Variants in PICALM observed in about 807,000 individuals in gnomAD.
PICALM encodes the protein phosphatidylinositol-binding clathrin assembly protein.
PICALM carries 40 observed loss-of-function variants against 80.5 expected under a neutral mutation model. The observed-to-expected ratio is 0.50, with a 90% confidence interval of 0.39 to 0.65. PICALM has a LOEUF of 0.65. Among genes scored for constraint, PICALM ranks in the 30% least tolerant of loss-of-function variants. The pLI is 0.00. For synonymous variants in PICALM, 288 were observed against 260.3 expected, an observed-to-expected ratio of 1.11 and a Z score of -1.02; for missense variants, 676 against 778.9, an observed-to-expected ratio of 0.87 and a Z score of 1.57.
chr11:85,976,886 G>A, intron 17 of PICALM: 1 of 466,096 alleles, frequency 2.1e-6, no homozygotes, highest in South Asian at 3.0e-5. Flanking sequence ...CTTATTAGAA[G>A]GATAACTATA....
At chr11:86,007,388 G>T in intron 8 of PICALM, 154 bp downstream of exon 8, 1 of 526,636 alleles carries the variant, frequency 1.9e-6, no homozygotes, top group South Asian at 2.3e-5. Flanking sequence ...TGGTCATAGT[G>T]TTAGAACAAT....
At position 85,990,319 on chromosome 11, in the gene PICALM, C is replaced by T; in HGVS notation, c.1339G>A (p.Val447Ile). The change falls in exon 13 of 20, where the codon GTT becomes ATT. Residue 447 changes from valine to isoleucine, a missense_variant. Around this residue, in one of 2 missense-constraint regions of PICALM, gnomAD observed 391 missense variants for 383.6 expected, o/e 1.02. Transcript: ENST00000393346. ...ACATCTGAAGAAATGGAAAGGTGAACATCACCACTACTTTTTGTGAGGAAA... is the reference window on the plus strand; with the variant it reads ...ACATCTGAAGAAATGGAAAGGTGAATATCACCACTACTTTTTGTGAGGAAA... ...NPFLTKSSGD[V>I]HLSISSDVST... 1 of 1,603,762 alleles carries T rather than the reference C, an allele frequency of 6.2e-7. No homozygotes were observed. The highest frequency in any genetic ancestry group is 8.5e-7 in the Non-Finnish European group (1 of 1,171,024).
At chr11:86,030,447 A>G (rs139787823) in intron 2 of PICALM, among the ~76,000 whole-genome samples, 6 of 152,356 alleles carry the variant, frequency 3.9e-5, no homozygotes, top group African/African-American at 7.2e-5. Context: ...GTTCTTTCTC[A>G]TCTCTAGAAG....
chr11:85,963,403 C>G (rs1464306435), intron 19 of PICALM, among the ~76,000 whole-genome samples: 1 of 152,152 alleles, frequency 6.6e-6, no homozygotes, highest in African/African-American at 2.4e-5. Flanking sequence ...TACCTATTTA[C>G]TTCAAATAAC....
intron 18 of PICALM, 30 bp from the exon 19 acceptor site, chr11:85,974,842 T>G: frequency 7.2e-7 from 1 of 1,381,162 alleles, no homozygotes; most frequent in Non-Finnish European, 1.0e-6. Flanking sequence ...CAAAAGATAC[T>G]GACTCCTATC....
At chr11:86,067,087 C>A (rs34117690) in intron 1 of PICALM, among the ~76,000 whole-genome samples, 161 of 152,292 alleles carry the variant, frequency 1.1e-3, no homozygotes, top group Admixed American at 2.2e-3. Flanking sequence ...GAGGAACAAT[C>A]ACAAAGAATA....
chr11:85,996,885 G>C lies in PICALM; in HGVS notation c.1199C>G (p.Thr400Ser), dbSNP rs529120093. The change falls in exon 12 of 20, where the codon ACT (threonine) becomes AGT (serine). Residue 400 changes from threonine (T) to serine (S), a missense_variant. By Grantham distance (58) the Thr-to-Ser change is moderately conservative. Around this residue, in one of 2 missense-constraint regions of PICALM, gnomAD observed 391 missense variants for 383.6 expected, o/e 1.02. Transcript: ENST00000393346. ...PNDLLDLQQP[T>S]FHPSVHPMST... is the part of the protein sequence containing the mutation. The stretch of plus-strand genomic sequence containing the variant: ...CATAGGATGTACAGATGGGTGAAAA[G>C]TTGGCTGCTGCAAATCAAGCAGATC... 2.5e-6 allele frequency: 4 copies of C among 1,613,166 alleles called. No homozygotes were observed. The highest frequency in any genetic ancestry group is 1.3e-5 in the African/African-American group (1 of 74,988).
chr11:86,064,878 A>T (rs1384503860), intron 1 of PICALM, among the ~76,000 whole-genome samples: 1 of 152,016 alleles, frequency 6.6e-6, no homozygotes, highest in Non-Finnish European at 1.5e-5. Flanking sequence ...GTTCAAGACC[A>T]GCCTGGGCCA....
chr11:85,990,462 T>C, intron 12 of PICALM, 63 bp from the exon 13 acceptor site: 9 of 1,044,558 alleles, frequency 8.6e-6, no homozygotes, highest in Non-Finnish European at 1.2e-5. Context: ...AGTATTGTAA[T>C]TAGTCAAAAG....
At position 86,028,295 on chromosome 11, in the gene PICALM, T is replaced by C. The variant is rs180754332; in HGVS notation, c.274-1928A>G. 6.6e-5 allele frequency among the ~76,000 whole-genome samples: 10 copies of C among 152,338 alleles called. No homozygotes were observed. In the East Asian group the frequency reaches 1.9e-3, roughly 29 times the overall value. On this transcript the variant is annotated intron_variant, in intron 2 of 19. Coordinates refer to ENST00000393346, the MANE Select transcript of PICALM (RefSeq NM_007166.4). The stretch of plus-strand genomic sequence containing the variant: ...ATAAGCGGTAACCTGAAATGGATTA[T>C]CCTAAACCTTCATTTAAAGAATGGC...
chr11:86,055,997 A>T (rs1255956779), intron 1 of PICALM, among the ~76,000 whole-genome samples: 5 of 151,724 alleles, frequency 3.3e-5, no homozygotes, highest in Admixed American at 1.3e-4. Flanking sequence ...CTTAGCCAGC[A>T]TGGTGGCACA....
intron 12 of PICALM, 102 bp downstream of exon 12, chr11:85,996,724 T>C (rs2094974774): frequency 1.4e-6 from 1 of 702,176 alleles, no homozygotes; most frequent in East Asian, 2.7e-5. Context: ...CTTATCAAGT[T>C]CTCATGTATC....
rs561964889 is a variant in PICALM at position 86,006,914 on chromosome 11, T to A, written c.807+628A>T. Reference sequence around the variant, plus strand: ...TTGAGTGTGTTTAATGCTCTAATTTTTTTTTTTGGCATTAACTTATTTAAT... The same window carrying A: ...TTGAGTGTGTTTAATGCTCTAATTTATTTTTTTGGCATTAACTTATTTAAT... On this transcript the variant is annotated intron_variant, in intron 8 of 19. Transcript: ENST00000393346. Among the ~76,000 whole-genome samples, 6 of 152,352 alleles carry A rather than the reference T, an allele frequency of 3.9e-5. No individual in the cohort carries two copies. The South Asian group carries it at 8.3e-4, about 21-fold the overall frequency.
intron 1 of PICALM, among the ~76,000 whole-genome samples, chr11:86,032,919 T>C: frequency 6.6e-6 from 1 of 152,212 alleles, no homozygotes; most frequent in East Asian, 1.9e-4. Flanking sequence ...AATTATTATA[T>C]AAGTTAATAT....
intron 1 of PICALM, among the ~76,000 whole-genome samples, chr11:86,053,865 T>C (rs906249012): frequency 6.6e-5 from 10 of 152,166 alleles, no homozygotes; most frequent in African/African-American, 2.4e-4. Context: ...AAAGCACCCA[T>C]CCAAGACTAA....
At chr11:86,041,870 T>C (rs1169465017) in intron 1 of PICALM, among the ~76,000 whole-genome samples, 1 of 152,212 alleles carries the variant, frequency 6.6e-6, no homozygotes, top group East Asian at 1.9e-4. Flanking sequence ...GTTTAAGTCA[T>C]GAAAATGCTC....
chr11:86,059,832 A>T (rs2096329596), intron 1 of PICALM, among the ~76,000 whole-genome samples: 1 of 152,100 alleles, frequency 6.6e-6, no homozygotes, highest in African/African-American at 2.4e-5. Context: ...ATTGATACCT[A>T]ACCTGCCTAA....
intron 13 of PICALM, among the ~76,000 whole-genome samples, chr11:85,988,881 A>G (rs2094671612): frequency 6.6e-6 from 1 of 152,252 alleles, no homozygotes; most frequent in South Asian, 2.1e-4. Flanking sequence ...ATCTCATTAG[A>G]AAAGAAATAT....
intron 12 of PICALM, among the ~76,000 whole-genome samples, chr11:85,996,000 A>G (rs2136004183): frequency 6.6e-6 from 1 of 152,296 alleles, no homozygotes; most frequent in South Asian, 2.1e-4. Context: ...TTAGGGTTTT[A>G]CTATCTGCTC....
Sources: allele counts gnomAD v4.1 joint callset (sites outside exome capture counted in the v4.1 genomes callset), GRCh38; gene constraint gnomAD v4.1.1; regional missense constraint gnomAD v4.1.1; transcripts MANE v1.5; gene names NCBI Gene and HGNC (gene_info 2026-07-23, HGNC 2026-07-21).